Variants in CDK19 observed in about 807,000 individuals in gnomAD.
CDK19 encodes the protein cyclin-dependent kinase 19.
Under a neutral mutation model 68.3 loss-of-function variants are expected in CDK19, and 20 were observed. The ratio of observed to expected loss-of-function variants is 0.29; its 90% CI spans 0.21 to 0.43. The LOEUF (loss-of-function observed/expected upper bound fraction) is 0.43. CDK19 is among the 20% of genes least tolerant of loss of function. The pLI, the probability that CDK19 is intolerant of heterozygous loss-of-function variation, is 1.00. For synonymous variants in CDK19, 221 were observed against 222.8 expected, an observed-to-expected ratio of 0.99 and a Z score of 0.07; for missense variants, 339 against 623.5, an observed-to-expected ratio of 0.54 and a Z score of 4.86.
intron 1 of CDK19, chr6:110,814,527 C>T (rs1024206895): frequency 2.2e-6 from 1 of 450,780 alleles, no homozygotes; most frequent in East Asian, 7.0e-5. Flanking sequence ...GCGAGGACCC[C>T]AGGCCGCGTT....
chr6:110,726,102 A>C (rs1776295311), intron 2 of CDK19, among the ~76,000 whole-genome samples: 1 of 152,294 alleles, frequency 6.6e-6, no homozygotes, highest in Non-Finnish European at 1.5e-5. Context: ...CAATAAGGTA[A>C]AGAAAAATGA....
rs774904075 is a variant in CDK19, at chr6:110,706,404, G to GTTTTTTTTTTTTTTTTTTTTTTT, written c.205-35864_205-35863insAAAAAAAAAAAAAAAAAAAAAAA. On this transcript the variant is annotated intron_variant, in intron 2 of 12. Coordinates refer to ENST00000368911, the MANE Select transcript of CDK19 (RefSeq NM_015076.5). ...CAACAGCATGCTGGGTAACACTGTT[G>GTTTTTTTTTTTTTTTTTTTTTTT]TTTTTTTTTTGTTTGTTTTTTTTTT... 8.4e-5 allele frequency: 6 copies of GTTTTTTTTTTTTTTTTTTTTTTT among 71,064 alleles called. 3 individuals are homozygous for GTTTTTTTTTTTTTTTTTTTTTTT. The highest frequency in any genetic ancestry group is 1.6e-4 in the Non-Finnish European group (6 of 38,606). The allele number at this position is 71,064 out of a possible 1,614,324, so 4.4% of individuals were successfully genotyped here.
intron 4 of CDK19, among the ~76,000 whole-genome samples, chr6:110,655,778 CTG>C (rs1182383388): frequency 6.6e-6 from 1 of 152,180 alleles, no homozygotes; most frequent in African/African-American, 2.4e-5. Flanking sequence ...GCTACTATCC[CTG>C]TGTCCTCAAA....
intron 4 of CDK19, chr6:110,645,914 G>A: frequency 1.1e-6 from 1 of 886,988 alleles, no homozygotes; most frequent in Admixed American, 2.1e-5. Context: ...GAACTGTGCC[G>A]GGACAGCAGG....
intron 1 of CDK19, among the ~76,000 whole-genome samples, chr6:110,783,969 G>A (rs1781011602): frequency 6.6e-6 from 1 of 151,894 alleles, no homozygotes; most frequent in South Asian, 2.1e-4. Flanking sequence ...AGACCAGCCT[G>A]GCCAACATGG....
intron 1 of CDK19, among the ~76,000 whole-genome samples, chr6:110,768,670 G>C (rs980300446): frequency 6.6e-6 from 1 of 152,146 alleles, no homozygotes; most frequent in Non-Finnish European, 1.5e-5. Context: ...TTTTGGAAAA[G>C]GCAAAACTGT....
intron 1 of CDK19, among the ~76,000 whole-genome samples, chr6:110,756,465 G>C (rs1778844773): frequency 6.6e-6 from 1 of 151,718 alleles, no homozygotes; most frequent in African/African-American, 2.4e-5. Context: ...AGGAGGCTGA[G>C]GCTGGAAGAT....
intron 2 of CDK19, among the ~76,000 whole-genome samples, chr6:110,691,413 G>T (rs1772976234): frequency 1.3e-5 from 2 of 151,634 alleles, no homozygotes; most frequent in African/African-American, 4.8e-5. Context: ...GGTGGAGGTT[G>T]CAGTGAGCTG....
intron 5 of CDK19, among the ~76,000 whole-genome samples, chr6:110,633,858 G>C (rs1449018115): frequency 6.6e-6 from 1 of 152,154 alleles, no homozygotes; most frequent in African/African-American, 2.4e-5. Flanking sequence ...TGGTCACAGG[G>C]ATAGTAAATA....
At chr6:110,670,801 GC>G (rs1231230117) in intron 2 of CDK19, 7 of 564,094 alleles carry the variant, frequency 1.2e-5, no homozygotes, top group Non-Finnish European at 2.3e-5. Flanking sequence ...GTCAGAGACT[GC>G]AAGCAGGAAT....
intron 1 of CDK19, chr6:110,773,789 G>C (rs1366169226): frequency 6.6e-6 from 1 of 152,016 alleles, no homozygotes; most frequent in African/African-American, 2.4e-5. Context: ...ATTACTTAGT[G>C]ATTACACTTG....
chr6:110,734,772 T>C (rs1777111230), intron 2 of CDK19, among the ~76,000 whole-genome samples: 1 of 151,308 alleles, frequency 6.6e-6, no homozygotes, highest in African/African-American at 2.4e-5. Context: ...TGAAAATGGC[T>C]TTCTTGTCTG....
intron 1 of CDK19, among the ~76,000 whole-genome samples, chr6:110,784,118 C>G (rs1781022709): frequency 7.1e-6 from 1 of 140,046 alleles, no homozygotes; most frequent in African/African-American, 2.7e-5. Flanking sequence ...AAGATCACAC[C>G]ACTGCATTCC....
chr6:110,676,694 A>C (rs995565586), intron 2 of CDK19, among the ~76,000 whole-genome samples: 33 of 152,188 alleles, frequency 2.2e-4, no homozygotes, highest in African/African-American at 8.0e-4. Context: ...TTTTAGCAAT[A>C]ATGTATTTTT....
chr6:110,683,559 A>G (rs1431305977), intron 2 of CDK19, among the ~76,000 whole-genome samples: 1 of 152,086 alleles, frequency 6.6e-6, no homozygotes, highest in Non-Finnish European at 1.5e-5. Flanking sequence ...ATCTGGTTTC[A>G]TTTTCTCTCT....
At position 110,612,749 on chromosome 6, in the gene CDK19, G is replaced by A. The variant is rs1241590488; in HGVS notation, c.*1786C>T. 6.6e-6 allele frequency: 1 copy of A among 152,646 alleles called. No homozygotes were observed. Among genetic ancestry groups the A allele is most frequent in the Non-Finnish European group, 1.5e-5 (1 of 68,034 alleles). The allele number at this position is 152,646 out of a possible 1,614,324, so 9.5% of individuals were successfully genotyped here. A position where few individuals can be genotyped will look rare whatever the true frequency, so the allele number is the denominator to read the frequency against. On this transcript the variant is annotated 3_prime_UTR_variant, in exon 13 of 13. Coordinates refer to ENST00000368911, the MANE Select transcript of CDK19 (RefSeq NM_015076.5). Reference sequence around the variant, plus strand: ...GGGGTAAAACAGCAGGAGACTATCAGAAACTCCTTCCAATGGAGCACGTAA... The same window carrying A: ...GGGGTAAAACAGCAGGAGACTATCAAAAACTCCTTCCAATGGAGCACGTAA...
At chr6:110,813,413 A>G (rs965354278) in intron 1 of CDK19, 4 of 152,208 alleles carry the variant, frequency 2.6e-5, no homozygotes, top group African/African-American at 7.2e-5. Context: ...ATTTATTAAC[A>G]ATGTCCAAAC....
intron 2 of CDK19, among the ~76,000 whole-genome samples, chr6:110,693,032 GGTGAAAAAA>G (rs1177566904): frequency 6.6e-6 from 1 of 151,900 alleles, no homozygotes; most frequent in African/African-American, 2.4e-5. Flanking sequence ...AAGGTAAAGG[GGTGAAAAAA>G]GATATTCCAC....
chr6:110,662,017 T>A (rs1286532641), intron 4 of CDK19, among the ~76,000 whole-genome samples: 1 of 152,204 alleles, frequency 6.6e-6, no homozygotes, highest in Non-Finnish European at 1.5e-5. Flanking sequence ...TTGCCTAGGC[T>A]GGAGTGCAGT....
Sources: gnomAD v4.1 joint callset for allele counts (sites outside exome capture counted in the v4.1 genomes callset) on GRCh38, gnomAD v4.1.1 for gene constraint, MANE v1.5 for transcripts, NCBI Gene and HGNC (gene_info 2026-07-23, HGNC 2026-07-21) for gene names.